Variants in BCAS1 observed in about 807,000 individuals in gnomAD.
The protein encoded by BCAS1 is brain enriched myelin associated protein 1.
BCAS1 carries 46 observed loss-of-function variants against 65.4 expected under a neutral mutation model. The observed-to-expected ratio is 0.70, with a 90% CI of 0.55 to 0.90. The LOEUF (loss-of-function observed/expected upper bound fraction) is 0.90, where lower values mean the gene tolerates loss of function less well. Ranked by LOEUF, BCAS1 falls within the 40% of genes least tolerant of loss-of-function variation. BCAS1 has a pLI of 0.00. For missense variants in BCAS1, 793 were observed against 771.2 expected (o/e 1.03, Z -0.33); for synonymous variants, 298 against 293.5 (o/e 1.02, Z -0.16).
At chr20:53,969,977 C>T (rs2090138180) in intron 9 of BCAS1, among the ~76,000 whole-genome samples, 2 of 152,124 alleles carry the variant, frequency 1.3e-5, no homozygotes, top group Admixed American at 1.3e-4. Context: ...ATAAAGTTGG[C>T]AACTTTGCCT....
intron 9 of BCAS1, among the ~76,000 whole-genome samples, chr20:53,968,107 C>T (rs1351571101): frequency 6.6e-6 from 1 of 152,232 alleles, no homozygotes; most frequent in Non-Finnish European, 1.5e-5. Context: ...GATCCTCCTA[C>T]CTTGGCCTGC....
chr20:54,024,908 C>T (rs1317774408), intron 4 of BCAS1, among the ~76,000 whole-genome samples: 2 of 152,082 alleles, frequency 1.3e-5, no homozygotes, highest in Non-Finnish European at 2.9e-5. Context: ...AGTGAAAACA[C>T]AGAATATTGT....
At chr20:54,027,299 C>T (rs945038194) in intron 4 of BCAS1, among the ~76,000 whole-genome samples, 4 of 152,164 alleles carry the variant, frequency 2.6e-5, no homozygotes, top group African/African-American at 4.8e-5. Context: ...TGTAATTCTT[C>T]GTAGCACCCT....
chr20:54,044,648 G>A (rs1049422894), intron 3 of BCAS1, among the ~76,000 whole-genome samples: 47 of 152,032 alleles, frequency 3.1e-4, no homozygotes, highest in Non-Finnish European at 4.1e-4. Flanking sequence ...GACCAGCCTG[G>A]CCAACACAGT....
chr20:54,029,070 C>T (rs1016543713), intron 3 of BCAS1, 98 bp from the exon 4 acceptor site: 43 of 1,465,946 alleles, frequency 2.9e-5, no homozygotes, highest in African/African-American at 8.5e-5. Flanking sequence ...AGCCATACTG[C>T]ATACTGGAAC....
chr20:53,962,624 T>C (rs1432460849), intron 10 of BCAS1, among the ~76,000 whole-genome samples: 2 of 152,064 alleles, frequency 1.3e-5, no homozygotes, highest in Non-Finnish European at 2.9e-5. Flanking sequence ...GCACTTCAAA[T>C]ATTCAATTTC....
At chr20:54,012,985 A>G (rs559166409) in intron 4 of BCAS1, among the ~76,000 whole-genome samples, 1 of 152,270 alleles carries the variant, frequency 6.6e-6, no homozygotes, top group Non-Finnish European at 1.5e-5. Context: ...TCCTATTTTA[A>G]GTTCCTGCCA....
intron 4 of BCAS1, among the ~76,000 whole-genome samples, chr20:53,998,588 C>G (rs2090978885): frequency 6.6e-6 from 1 of 152,208 alleles, no homozygotes; most frequent in Non-Finnish European, 1.5e-5. Flanking sequence ...CCAAGCCATT[C>G]ATGATGGATC....
At chr20:54,044,852 A>T (rs1357931149) in intron 3 of BCAS1, among the ~76,000 whole-genome samples, 1 of 152,058 alleles carries the variant, frequency 6.6e-6, no homozygotes, top group Non-Finnish European at 1.5e-5. Flanking sequence ...AAAAAAAGAA[A>T]AAAAGAAATT....
intron 4 of BCAS1, among the ~76,000 whole-genome samples, chr20:54,004,251 G>A (rs1006725073): frequency 1.3e-5 from 2 of 152,182 alleles, no homozygotes; most frequent in African/African-American, 4.8e-5. Flanking sequence ...GCAATGAGAA[G>A]CTGGCCATCT....
intron 4 of BCAS1, among the ~76,000 whole-genome samples, chr20:54,016,786 A>C (rs2091447440): frequency 6.6e-6 from 1 of 152,214 alleles, no homozygotes; most frequent in Non-Finnish European, 1.5e-5. Context: ...CACAGATATA[A>C]AAATGTTCCA....
chr20:53,983,233 C>T lies in BCAS1; in HGVS notation c.1275+2054G>A, dbSNP rs1340266255. ...ACTGGACAGTATAGAAAGATAAAGACGTCGGCCTGGTTAGTTCTTCAGCCC... is the reference window on the plus strand; with the variant it reads ...ACTGGACAGTATAGAAAGATAAAGATGTCGGCCTGGTTAGTTCTTCAGCCC... On this transcript the variant is annotated intron_variant, in intron 8 of 12. Transcript: ENST00000688948. Among the ~76,000 whole-genome samples the T allele has an allele frequency of 2.0e-5, 3 of 151,366 alleles. No individual in the cohort carries two copies. In the Admixed American group the frequency reaches 2.0e-4, roughly 10 times the overall value.
chr20:54,004,630 G>T (rs1018118048), intron 4 of BCAS1, among the ~76,000 whole-genome samples: 16 of 152,202 alleles, frequency 1.1e-4, no homozygotes, highest in Non-Finnish European at 1.8e-4. Context: ...CACCATTCAT[G>T]AATTCATCCT....
intron 9 of BCAS1, among the ~76,000 whole-genome samples, 197 bp downstream of exon 9, chr20:53,975,192 T>C (rs2090296265): frequency 6.6e-6 from 1 of 152,216 alleles, no homozygotes; most frequent in Admixed American, 6.5e-5. Context: ...TTTGCACTGA[T>C]TCAATGAGAG....
chr20:53,970,966 C>T (rs1027916895), intron 9 of BCAS1, among the ~76,000 whole-genome samples: 1 of 152,006 alleles, frequency 6.6e-6, no homozygotes, highest in Non-Finnish European at 1.5e-5. Context: ...TCTGCTTACA[C>T]ACTCTAATTT....
chr20:53,946,646 T>C (rs1394534308), intron 12 of BCAS1, among the ~76,000 whole-genome samples: 2 of 150,922 alleles, frequency 1.3e-5, no homozygotes. Context: ...GTGTATATTT[T>C]ATAGTATATA....
chr20:53,979,683 C>T (rs941780968), intron 8 of BCAS1, among the ~76,000 whole-genome samples: 2 of 152,148 alleles, frequency 1.3e-5, no homozygotes, highest in African/African-American at 4.8e-5. Flanking sequence ...TATGGCAGCC[C>T]AGGCTGATTC....
chr20:54,045,026 C>T (rs1430871550), intron 3 of BCAS1, among the ~76,000 whole-genome samples: 1 of 151,694 alleles, frequency 6.6e-6, no homozygotes, highest in East Asian at 1.9e-4. Flanking sequence ...GCCTGGATAA[C>T]AAAGGGAGAC....
chr20:54,065,149 TATCTATCTATCTATC>T (rs1331995434), intron 1 of BCAS1, among the ~76,000 whole-genome samples: 14 of 139,614 alleles, frequency 1.0e-4, no homozygotes, highest in East Asian at 9.8e-4. Context: ...TCTATCTATC[TATCTATCTATCTATC>T]ATCTACTTTA....
Sources: allele counts gnomAD v4.1 joint callset (sites outside exome capture counted in the v4.1 genomes callset), GRCh38; gene constraint gnomAD v4.1.1; transcripts MANE v1.5; gene names NCBI Gene and HGNC (gene_info 2026-07-23, HGNC 2026-07-21).